PPP2R3A: variants seen among roughly 807,000 people sequenced by gnomAD.
PPP2R3A encodes protein phosphatase 2 regulatory subunit B''alpha.
Under a neutral mutation model 106.9 loss-of-function variants are expected in PPP2R3A, and 80 were observed. That is an observed-to-expected ratio of 0.75 (90% CI 0.62 to 0.90). The LOEUF (loss-of-function observed/expected upper bound fraction) is 0.90. Ranked by LOEUF, PPP2R3A falls within the 40% of genes least tolerant of loss-of-function variation. PPP2R3A has a pLI of 0.00. For missense variants in PPP2R3A, 1,386 were observed against 1,350.4 expected (o/e 1.03, Z -0.41); for synonymous variants, 483 against 468.3 (o/e 1.03, Z -0.41).
chr3:136,123,656 CAT>C (rs1402066546), intron 13 of PPP2R3A, among the ~76,000 whole-genome samples: 1 of 152,128 alleles, frequency 6.6e-6, no homozygotes, highest in Non-Finnish European at 1.5e-5. Context: ...AGGAAACAAA[CAT>C]AAATATTCCT....
At chr3:136,071,545 C>A (rs780277094) in intron 6 of PPP2R3A, among the ~76,000 whole-genome samples, 1 of 152,210 alleles carries the variant, frequency 6.6e-6, no homozygotes, top group Non-Finnish European at 1.5e-5. Context: ...CCTGGCCTGT[C>A]GCCCTGATAT....
At chr3:136,009,689 G>A (rs1447320455) in intron 2 of PPP2R3A, among the ~76,000 whole-genome samples, 2 of 152,118 alleles carry the variant, frequency 1.3e-5, no homozygotes, top group Non-Finnish European at 2.9e-5. Flanking sequence ...TCTGGGGGTA[G>A]GGCTCAACAT....
At chr3:136,038,701 C>A (rs1665789558) in intron 3 of PPP2R3A, among the ~76,000 whole-genome samples, 1 of 152,176 alleles carries the variant, frequency 6.6e-6, no homozygotes, top group African/African-American at 2.4e-5. Context: ...TGCCACTAGC[C>A]CATCACTAAG....
At chr3:136,017,145 C>G (rs1239743415) in intron 2 of PPP2R3A, among the ~76,000 whole-genome samples, 3 of 152,122 alleles carry the variant, frequency 2.0e-5, no homozygotes, top group Non-Finnish European at 1.5e-5. Flanking sequence ...AGATATGACC[C>G]CAATCCCTTC....
At chr3:136,007,012 A>G (rs201660473) in intron 2 of PPP2R3A, among the ~76,000 whole-genome samples, 1 of 152,192 alleles carries the variant, frequency 6.6e-6, no homozygotes, top group Non-Finnish European at 1.5e-5. Flanking sequence ...ACCTTTTCCC[A>G]TCGGTTTTCT....
At chr3:136,006,942 A>C (rs1237851075) in intron 2 of PPP2R3A, among the ~76,000 whole-genome samples, 1 of 152,210 alleles carries the variant, frequency 6.6e-6, no homozygotes, top group Non-Finnish European at 1.5e-5. Context: ...ATTCCAAGTT[A>C]GTAGAATCCA....
chr3:136,055,827 T>C, intron 5 of PPP2R3A: 1 of 526,752 alleles, frequency 1.9e-6, no homozygotes, highest in South Asian at 3.0e-5. Context: ...GAAACAAATC[T>C]ATGCAGAATT....
At chr3:136,023,882 A>G (rs1001442343) in intron 2 of PPP2R3A, among the ~76,000 whole-genome samples, 9 of 152,158 alleles carry the variant, frequency 5.9e-5, no homozygotes, top group African/African-American at 2.2e-4. Flanking sequence ...TCACCAAACA[A>G]GTGCCTAACA....
At chr3:136,066,779 C>A (rs1936273394) in intron 5 of PPP2R3A, among the ~76,000 whole-genome samples, 1 of 152,078 alleles carries the variant, frequency 6.6e-6, no homozygotes, top group Non-Finnish European at 1.5e-5. Flanking sequence ...CAAGAGAAAT[C>A]CACCCTATGA....
intron 1 of PPP2R3A, among the ~76,000 whole-genome samples, chr3:135,975,080 T>A (rs1937377207): frequency 6.6e-6 from 1 of 152,218 alleles, no homozygotes; most frequent in Non-Finnish European, 1.5e-5. Context: ...TTGTCTTCTC[T>A]CAACATGATA....
At chr3:135,999,436 G>C (rs1933532458) in intron 1 of PPP2R3A, among the ~76,000 whole-genome samples, 1 of 152,138 alleles carries the variant, frequency 6.6e-6, no homozygotes. Flanking sequence ...TAGATTCCAT[G>C]TCTAAGATTC....
chr3:136,061,944 A>C (rs1447790405), intron 5 of PPP2R3A, among the ~76,000 whole-genome samples: 1 of 151,786 alleles, frequency 6.6e-6, no homozygotes, highest in East Asian at 1.9e-4. Flanking sequence ...AAAAAAAAAA[A>C]AACACTGAGT....
chr3:136,096,864 A>G (rs150247249), intron 10 of PPP2R3A, among the ~76,000 whole-genome samples: 4,099 of 152,286 alleles, frequency 0.027, 194 homozygotes, highest in African/African-American at 0.094. Flanking sequence ...CTGAGGCACA[A>G]GAATCGCTTG....
intron 13 of PPP2R3A, among the ~76,000 whole-genome samples, chr3:136,122,758 C>T (rs892041017): frequency 2.6e-5 from 4 of 152,064 alleles, no homozygotes; most frequent in African/African-American, 7.2e-5. Context: ...TTACAGTTAA[C>T]GAAAACTGAA....
At chr3:135,978,183 T>C (rs147599667) in intron 1 of PPP2R3A, among the ~76,000 whole-genome samples, 3 of 152,170 alleles carry the variant, frequency 2.0e-5, no homozygotes, top group Admixed American at 2.0e-4. Flanking sequence ...GCATGCCTTA[T>C]ATTTAAAGTT....
intron 2 of PPP2R3A, 24 bp downstream of exon 2, chr3:136,003,517 C>A: frequency 6.6e-7 from 1 of 1,523,344 alleles, no homozygotes. Flanking sequence ...ATTTTGAGTC[C>A]TAGGAACTCT....
chr3:136,118,133 G>A (rs1048142474), intron 13 of PPP2R3A, among the ~76,000 whole-genome samples: 14 of 152,100 alleles, frequency 9.2e-5, no homozygotes, highest in African/African-American at 2.7e-4. Context: ...AAACCGCATG[G>A]TTATCTCAAT....
intron 1 of PPP2R3A, among the ~76,000 whole-genome samples, chr3:135,987,179 T>C (rs907915596): frequency 6.6e-6 from 1 of 152,174 alleles, no homozygotes; most frequent in African/African-American, 2.4e-5. Context: ...TTTACTGTAT[T>C]TGTATACTAA....
At chr3:136,042,880 C>T (rs1935333760) in intron 4 of PPP2R3A, among the ~76,000 whole-genome samples, 2 of 152,000 alleles carry the variant, frequency 1.3e-5, no homozygotes, top group African/African-American at 4.8e-5. Flanking sequence ...GAAGGGAGCC[C>T]CAAGTGTGGC....
Sources: allele counts gnomAD v4.1 joint callset (sites outside exome capture counted in the v4.1 genomes callset), GRCh38; gene constraint gnomAD v4.1.1; transcripts MANE v1.5; gene names NCBI Gene and HGNC (gene_info 2026-07-23, HGNC 2026-07-21).